GRK5: variants seen among roughly 807,000 people sequenced by gnomAD.
GRK5 encodes the protein G protein-coupled receptor kinase 5, also known as g protein-coupled receptor kinase GRK5.
A neutral mutation model predicts 78.4 loss-of-function variants in GRK5; 40 were observed. The ratio of observed to expected loss-of-function variants is 0.51; its 90% confidence interval spans 0.40 to 0.66. The LOEUF is 0.66. Among genes scored for constraint, GRK5 ranks in the 30% least tolerant of loss-of-function variants. GRK5 has a pLI of 0.00. For missense variants in GRK5, 598 were observed against 759.9 expected, an observed-to-expected ratio of 0.79 and a Z score of 2.50; for synonymous variants, 289 against 296.8, an observed-to-expected ratio of 0.97 and a Z score of 0.27.
rs7898883 is a variant in GRK5 at position 119,438,578 on chromosome 10, G to A, written c.930-1153G>A. On this transcript the variant is annotated intron_variant, in intron 9 of 15. Coordinates refer to ENST00000392870, the MANE Select transcript of GRK5 (RefSeq NM_005308.3). Reference sequence around the variant, plus strand: ...AAGGGTTGAACAAAGAATTCTCTACGTGATTGCCTTTTATTTAAAAAGAAA... The same window carrying A: ...AAGGGTTGAACAAAGAATTCTCTACATGATTGCCTTTTATTTAAAAAGAAA... Among the ~76,000 whole-genome samples, 10 of 150,780 alleles carry A rather than the reference G, an allele frequency of 6.6e-5. No individual in the cohort carries two copies. The East Asian group carries it at 1.6e-3, about 24-fold the overall frequency.
At chr10:119,294,993 A>G (rs1850053801) in intron 1 of GRK5, among the ~76,000 whole-genome samples, 1 of 152,084 alleles carries the variant, frequency 6.6e-6, no homozygotes, top group African/African-American at 2.4e-5. Context: ...GATCGAGACC[A>G]TCCTGGCTAA....
intron 4 of GRK5, among the ~76,000 whole-genome samples, chr10:119,397,750 C>T (rs1441993654): frequency 6.6e-6 from 1 of 152,250 alleles, no homozygotes; most frequent in Admixed American, 6.5e-5. Context: ...CCTCGTTCTT[C>T]TCCAGCATCA....
intron 12 of GRK5, 95 bp downstream of exon 12, chr10:119,443,847 G>C (rs1853089231): frequency 1.8e-6 from 2 of 1,085,338 alleles, no homozygotes; most frequent in Non-Finnish European, 2.6e-6. Flanking sequence ...ACAGGCTGAA[G>C]GGACAGGGGT....
At chr10:119,411,372 C>T (rs1038929627) in intron 4 of GRK5, among the ~76,000 whole-genome samples, 1 of 152,138 alleles carries the variant, frequency 6.6e-6, no homozygotes. Flanking sequence ...TCCAGAGAGC[C>T]CAGAGACCCC....
At chr10:119,355,162 A>G (rs1851246682) in intron 2 of GRK5, among the ~76,000 whole-genome samples, 1 of 152,274 alleles carries the variant, frequency 6.6e-6, no homozygotes, top group Non-Finnish European at 1.5e-5. Flanking sequence ...CAGTGCAGAC[A>G]CAACAATCCA....
At chr10:119,426,228 C>G (rs895166389) in intron 6 of GRK5, among the ~76,000 whole-genome samples, 12 of 152,256 alleles carry the variant, frequency 7.9e-5, no homozygotes, top group African/African-American at 2.9e-4. Flanking sequence ...CTGCCTGCTT[C>G]CAGAAATCCA....
intron 1 of GRK5, chr10:119,208,643 AAAG>A (rs1472327905): frequency 6.6e-6 from 1 of 152,124 alleles, no homozygotes; most frequent in African/African-American, 2.4e-5. Context: ...TCAGTTAAGA[AAAG>A]AAAGGTAAGT....
At chr10:119,397,927 T>A (rs1039288401) in intron 4 of GRK5, among the ~76,000 whole-genome samples, 4 of 152,250 alleles carry the variant, frequency 2.6e-5, no homozygotes, top group African/African-American at 9.6e-5. Context: ...GCTGCATCCA[T>A]CATAATCCAT....
At chr10:119,404,325 G>A (rs1343028216) in intron 4 of GRK5, among the ~76,000 whole-genome samples, 1 of 152,208 alleles carries the variant, frequency 6.6e-6, no homozygotes, top group African/African-American at 2.4e-5. Flanking sequence ...TGTGGGAAAT[G>A]TCTATTCAGA....
intron 8 of GRK5, among the ~76,000 whole-genome samples, chr10:119,432,614 C>G (rs1169185337): frequency 6.6e-6 from 1 of 152,206 alleles, no homozygotes; most frequent in African/African-American, 2.4e-5. Flanking sequence ...TGGGATCTTC[C>G]TGTACCTCTT....
chr10:119,353,200 G>A (rs1720883943), intron 2 of GRK5, among the ~76,000 whole-genome samples: 1 of 152,116 alleles, frequency 6.6e-6, no homozygotes, highest in African/African-American at 2.4e-5. Context: ...CTAGACCATG[G>A]AAAGAATGTT....
chr10:119,308,730 C>T (rs1011146140), intron 1 of GRK5, among the ~76,000 whole-genome samples: 2 of 152,258 alleles, frequency 1.3e-5, no homozygotes, highest in Non-Finnish European at 2.9e-5. Context: ...ACTGTGGCTG[C>T]CATGCTCAGG....
At chr10:119,318,440 A>C (rs1850528269) in intron 1 of GRK5, among the ~76,000 whole-genome samples, 1 of 152,180 alleles carries the variant, frequency 6.6e-6, no homozygotes, top group South Asian at 2.1e-4. Context: ...GGTCTATCCC[A>C]TCCCTCCCAA....
chr10:119,305,380 C>T lies in GRK5; in HGVS notation c.53-21136C>T, dbSNP rs115780780. ...TCACTCACTTATTCAAGCATTCACT[C>T]GTTCACAGACATGTCAGAGGTCTGC... On this transcript the variant is annotated intron_variant, in intron 1 of 15. Coordinates refer to ENST00000392870, the MANE Select transcript of GRK5 (RefSeq NM_005308.3). 2.8e-3 allele frequency among the ~76,000 whole-genome samples: 423 copies of T among 152,298 alleles called. 1 individual carries two copies. The highest frequency in any genetic ancestry group is 9.5e-3 in the African/African-American group (394 of 41,560).
Position 119,417,772 on chromosome 10 carries a change from A to C in GRK5, c.340-5394A>C, listed in dbSNP as rs746669740. Among the ~76,000 whole-genome samples the C allele has an allele frequency of 2.2e-4, 34 of 152,066 alleles. 1 individual carries two copies. The highest frequency in any genetic ancestry group is 7.4e-5 in the Non-Finnish European group (5 of 67,998). On this transcript the variant is annotated intron_variant, in intron 4 of 15. Coordinates refer to ENST00000392870, the MANE Select transcript of GRK5 (RefSeq NM_005308.3). ...CAAAAAGGAGGGGAGAGGCTTAGAG[A>C]GGAGTGAAGGTGCGAAGTCACCCTA... is the stretch of plus-strand genomic sequence containing the variant.
intron 2 of GRK5, among the ~76,000 whole-genome samples, chr10:119,328,232 C>T (rs1278884604): frequency 2.0e-5 from 3 of 152,110 alleles, no homozygotes; most frequent in Non-Finnish European, 2.9e-5. Context: ...TGGAGGCAGT[C>T]GAGGTCGGGT....
intron 2 of GRK5, among the ~76,000 whole-genome samples, chr10:119,363,145 G>C (rs1851392227): frequency 6.6e-6 from 1 of 151,928 alleles, no homozygotes; most frequent in Non-Finnish European, 1.5e-5. Context: ...TCTGGGAGTG[G>C]TGGCAGACGC....
At chr10:119,250,288 T>C (rs1290391631) in intron 1 of GRK5, among the ~76,000 whole-genome samples, 1 of 152,206 alleles carries the variant, frequency 6.6e-6, no homozygotes, top group East Asian at 1.9e-4. Flanking sequence ...CTTGTGGATG[T>C]AGGGTTTGAA....
chr10:119,235,205 G>T (rs578253303), intron 1 of GRK5, among the ~76,000 whole-genome samples: 1 of 151,612 alleles, frequency 6.6e-6, no homozygotes, highest in African/African-American at 2.4e-5. Context: ...GCTGGGATAA[G>T]TGTAATTTCT....
Sources: allele counts gnomAD v4.1 joint callset (sites outside exome capture counted in the v4.1 genomes callset), GRCh38; gene constraint gnomAD v4.1.1; transcripts MANE v1.5; gene names NCBI Gene and HGNC (gene_info 2026-07-23, HGNC 2026-07-21).